SCN10A: variants seen among roughly 807,000 people sequenced by gnomAD.
The protein encoded by SCN10A is sodium voltage-gated channel alpha subunit 10.
In SCN10A, 162 loss-of-function variants were observed where a neutral mutation model predicts 170.7. The observed-to-expected ratio is 0.95, with a 90% CI of 0.84 to 1.08. The LOEUF is 1.08. SCN10A is among the 50% of genes least tolerant of loss of function. The pLI is 0.00. For synonymous variants in SCN10A, 985 were observed against 904.6 expected (o/e 1.09, Z -1.59); for missense variants, 2,527 against 2,436.9 (o/e 1.04, Z -0.78).
chr3:38,803,156 G>A (rs1035079625), intron 1 of SCN10A, among the ~76,000 whole-genome samples: 2 of 152,170 alleles, frequency 1.3e-5, no homozygotes, highest in Admixed American at 1.3e-4. Context: ...AAAAACAGGT[G>A]CTGGAGAGGA....
At chr3:38,796,918 C>T (rs1367035528) in intron 1 of SCN10A, among the ~76,000 whole-genome samples, 1 of 152,004 alleles carries the variant, frequency 6.6e-6, no homozygotes, top group African/African-American at 2.4e-5. Flanking sequence ...TTTCCAGAAC[C>T]TAGTACAGTG....
intron 3 of SCN10A, among the ~76,000 whole-genome samples, chr3:38,791,531 G>A (rs544427671): frequency 2.0e-5 from 3 of 152,286 alleles, no homozygotes; most frequent in African/African-American, 4.8e-5. Context: ...GTCCCATTGA[G>A]ACTATGTGTG....
In SCN10A at chr3:38,761,230, G is replaced by A. The variant is rs773757900; in HGVS notation, c.845C>T (p.Ala282Val). Residue 282 changes from alanine (A) to valine (V), a missense_variant, in exon 7 of 28, where the codon GCT (alanine) becomes GTT (valine). Transcript: ENST00000449082. The stretch of plus-strand genomic sequence containing the variant: ...TGAGTAGTTGGTTGTCTCATTGACA[G>A]CCATGTCATTCTTGACACATTTATT... The part of the protein sequence containing the change: ...LKNKCVKNDM[A>V]VNETTNYSSH... 2 of 1,609,216 alleles carry A rather than the reference G, an allele frequency of 1.2e-6. No homozygotes were observed. Among genetic ancestry groups the A allele is most frequent in the South Asian group, 1.1e-5 (1 of 90,776 alleles).
intron 23 of SCN10A, 94 bp from the exon 24 acceptor site, chr3:38,710,991 T>A (rs908481620): frequency 2.8e-6 from 3 of 1,056,126 alleles, no homozygotes; most frequent in African/African-American, 3.2e-5. Context: ...GAGGAGAGAG[T>A]CCTGTGTTGG....
chr3:38,805,942 G>A (rs1575188331), intron 1 of SCN10A, among the ~76,000 whole-genome samples: 1 of 152,156 alleles, frequency 6.6e-6, no homozygotes, highest in East Asian at 1.9e-4. Flanking sequence ...GCGGACGAAA[G>A]TGCGTGCGCT....
At chr3:38,783,196 T>G (rs2064159720) in intron 4 of SCN10A, among the ~76,000 whole-genome samples, 1 of 152,090 alleles carries the variant, frequency 6.6e-6, no homozygotes, top group South Asian at 2.1e-4. Context: ...GTTTCAACAT[T>G]TGAATTTTGA....
At chr3:38,724,546 T>C (rs2125999360) in intron 18 of SCN10A, among the ~76,000 whole-genome samples, 1 of 152,350 alleles carries the variant, frequency 6.6e-6, no homozygotes, top group Admixed American at 6.5e-5. Context: ...AGGCTGTCAC[T>C]TCACTACTCA....
Position 38,765,934 on chromosome 3 carries a change from C to T in SCN10A, c.600-2338G>A, listed in dbSNP as rs554852805. The stretch of plus-strand genomic sequence containing the variant: ...AGTTTTCCTTGTAGAAATCTTTCAC[C>T]TTTTTGGTTAGGTATATTCCTAAGA... On this transcript the variant is annotated intron_variant, in intron 5 of 27. Transcript: ENST00000449082. Among the ~76,000 whole-genome samples, 93 of 149,632 alleles carry T rather than the reference C, an allele frequency of 6.2e-4. 1 individual carries two copies. Among genetic ancestry groups the T allele is most frequent in the Middle Eastern group, 3.4e-3 (1 of 290 alleles).
At position 38,709,508 on chromosome 3, in the gene SCN10A, T is replaced by C; in HGVS notation, c.4251A>G (p.Ile1417Met). The C allele has an allele frequency of 6.2e-7, 1 of 1,612,198 alleles. No individual in the cohort carries two copies. Among genetic ancestry groups the C allele is most frequent in the South Asian group, 1.1e-5 (1 of 90,504 alleles). ...TTTTCTGTTGATTGAAGTTGTCAAT[T>C]ATGACCCCAACAAAGAGATTCAGTG... is the stretch of plus-strand genomic sequence containing the variant. ...FFTLNLFVGV[I>M]IDNFNQQKKK... The change falls in exon 25 of 28, where the codon ATA becomes ATG. Residue 1417 changes from isoleucine to methionine, a missense_variant. By Grantham distance (10) the Ile-to-Met change is conservative (BLOSUM62 1). Transcript: ENST00000449082.
At chr3:38,755,468 C>T (rs2063793345) in intron 11 of SCN10A, among the ~76,000 whole-genome samples, 1 of 151,982 alleles carries the variant, frequency 6.6e-6, no homozygotes, top group Non-Finnish European at 1.5e-5. Context: ...CTCCAGTGTC[C>T]TCATCTTGGA....
At chr3:38,725,402 G>A in intron 17 of SCN10A, 88 bp from the exon 18 acceptor site, 1 of 1,334,576 alleles carries the variant, frequency 7.5e-7, no homozygotes, top group Non-Finnish European at 1.0e-6. Flanking sequence ...ATCACAGGCT[G>A]CCAGAGCCAA....
intron 18 of SCN10A, among the ~76,000 whole-genome samples, chr3:38,724,636 C>T (rs564146980): frequency 2.0e-5 from 3 of 152,318 alleles, no homozygotes; most frequent in African/African-American, 7.2e-5. Flanking sequence ...GGGGGAGAAT[C>T]ACAAGGGAAA....
At position 38,761,119 on chromosome 3, in the gene SCN10A, C is replaced by G. The variant is rs1575158993; in HGVS notation, c.883+73G>C. ...ATGTCTATACACACACACAGGGGCT[C>G]CATATCCCCTGTCCCTATATGATAC... On this transcript the variant is annotated intron_variant, in intron 7 of 27. Transcript: ENST00000449082. 5.0e-6 allele frequency: 6 copies of G among 1,201,776 alleles called. No homozygotes were observed. The East Asian group carries it at 1.4e-4, about 28-fold the overall frequency. The allele number at this position is 1,201,776 out of a possible 1,614,324, so 74.4% of individuals were successfully genotyped here.
rs942189627 is a variant in SCN10A at position 38,726,095 on chromosome 3, C to T, written c.3087+511G>A. On this transcript the variant is annotated intron_variant, in intron 17 of 27. Transcript: ENST00000449082. ...AGCTTAAGGTAGTAAGGAATAGTGC[C>T]AAGTATTTAAAAATATATATTATCA... Among the ~76,000 whole-genome samples the T allele has an allele frequency of 2.0e-5, 3 of 152,154 alleles. No homozygotes were observed. The East Asian group carries it at 5.8e-4, about 29-fold the overall frequency.
At chr3:38,739,410 A>T in intron 15 of SCN10A, 105 bp downstream of exon 15, 1 of 1,029,612 alleles carries the variant, frequency 9.7e-7, no homozygotes, top group Non-Finnish European at 1.4e-6. Context: ...CCCTCCCACA[A>T]GGACAGGAGA....
chr3:38,788,827 A>G (rs2126057116), intron 4 of SCN10A, 129 bp downstream of exon 4: 4 of 656,208 alleles, frequency 6.1e-6, no homozygotes, highest in South Asian at 1.9e-5. Flanking sequence ...TTACAAAGAC[A>G]TATAGACAAT....
At chr3:38,754,624 C>T (rs1018324835) in intron 11 of SCN10A, among the ~76,000 whole-genome samples, 3 of 152,166 alleles carry the variant, frequency 2.0e-5, no homozygotes, top group Non-Finnish European at 4.4e-5. Context: ...CTGAACTGTG[C>T]CCCATGTATG....
chr3:38,718,754 T>A lies in SCN10A; in HGVS notation c.3580A>T (p.Thr1194Ser), dbSNP rs780945258. Residue 1194 changes from threonine to serine, a missense_variant, in exon 21 of 28, where the codon ACC (threonine) becomes TCC (serine). Transcript: ENST00000449082. ...AGCATCTCGAACACAAAGATAAAGG[T>A]GAAGACCCTGTCAGTGTACTCCAGC... ...ALLEYTDRVFTFIFVFEMLLK... is the reference protein window; with the variant it reads ...ALLEYTDRVFSFIFVFEMLLK... 34 of 1,614,172 alleles carry A rather than the reference T, an allele frequency of 2.1e-5. No homozygotes were observed. The highest frequency in any genetic ancestry group is 3.3e-5 in the Admixed American group (2 of 60,014).
intron 4 of SCN10A, 33 bp downstream of exon 4, chr3:38,788,923 A>G: frequency 7.6e-7 from 1 of 1,312,110 alleles, no homozygotes; most frequent in South Asian, 1.2e-5. Flanking sequence ...AAGCAAAAAG[A>G]GATGGTACAA....
Sources: gnomAD v4.1 joint callset for allele counts (sites outside exome capture counted in the v4.1 genomes callset) on GRCh38, gnomAD v4.1.1 for gene constraint, MANE v1.5 for transcripts, NCBI Gene and HGNC (gene_info 2026-07-23, HGNC 2026-07-21) for gene names.